The following GPC5 variants were observed in gnomAD, a reference collection of about 807,000 sequenced individuals.
The protein encoded by GPC5 is glypican-5.
GPC5 carries 47 observed loss-of-function variants against 53.9 expected under a neutral mutation model. The ratio of observed to expected loss-of-function variants is 0.87; its 90% CI spans 0.69 to 1.11. The LOEUF is 1.11. Among genes scored for constraint, GPC5 ranks in the 50% most tolerant of loss-of-function variants. The pLI, the probability that GPC5 is intolerant of heterozygous loss-of-function variation, is 0.00. For missense variants in GPC5, 748 were observed against 713.1 expected, an observed-to-expected ratio of 1.05 and a Z score of -0.56; for synonymous variants, 286 against 263.3, an observed-to-expected ratio of 1.09 and a Z score of -0.84.
intron 7 of GPC5, among the ~76,000 whole-genome samples, chr13:92,718,549 G>A (rs924464948): frequency 6.6e-6 from 1 of 152,092 alleles, no homozygotes; most frequent in Admixed American, 6.6e-5. Context: ...ATCAGGGGCT[G>A]GGAAGGGTAG....
intron 2 of GPC5, among the ~76,000 whole-genome samples, chr13:91,534,109 G>C (rs1384449297): frequency 6.6e-6 from 1 of 152,016 alleles, no homozygotes; most frequent in Non-Finnish European, 1.5e-5. Context: ...ATTATATATT[G>C]CTCACCTAAG....
chr13:92,602,288 G>C (rs1304317822), intron 7 of GPC5, among the ~76,000 whole-genome samples: 1 of 135,692 alleles, frequency 7.4e-6, no homozygotes, highest in Non-Finnish European at 1.6e-5. Context: ...GTATTTATGA[G>C]TACTCTGTAA....
chr13:91,993,976 CT>C (rs2040481173), intron 6 of GPC5, among the ~76,000 whole-genome samples: 1 of 152,206 alleles, frequency 6.6e-6, no homozygotes, highest in Admixed American at 6.5e-5. Context: ...GGACAAAGAA[CT>C]GCAATGACAT....
chr13:92,638,906 T>C lies in GPC5; in HGVS notation c.1562-227376T>C, dbSNP rs376987709. ...TTATTTTGACACATTTGTTTTTTAG[T>C]CTTTTGTTAGATACAAATACAGATT... is the stretch of plus-strand genomic sequence containing the variant. On this transcript the variant is annotated intron_variant, in intron 7 of 7. Transcript: ENST00000377067. Among the ~76,000 whole-genome samples, 5 of 152,334 alleles carry C rather than the reference T, an allele frequency of 3.3e-5. No homozygotes were observed. The East Asian group carries it at 9.7e-4, about 29-fold the overall frequency.
At chr13:92,069,322 T>C (rs1199782051) in intron 6 of GPC5, among the ~76,000 whole-genome samples, 2 of 152,114 alleles carry the variant, frequency 1.3e-5, no homozygotes, top group East Asian at 3.9e-4. Flanking sequence ...TACTTTATTA[T>C]ATTAGTTTCC....
At chr13:92,046,285 C>A (rs2040981613) in intron 6 of GPC5, among the ~76,000 whole-genome samples, 1 of 152,120 alleles carries the variant, frequency 6.6e-6, no homozygotes, top group Admixed American at 6.5e-5. Context: ...AAAAATATTT[C>A]ATCAATCTAT....
At position 92,356,320 on chromosome 13, in the gene GPC5, G is replaced by A. The variant is rs114614277; in HGVS notation, c.1561+211331G>A. Among the ~76,000 whole-genome samples, 459 of 152,236 alleles carry A rather than the reference G, an allele frequency of 3.0e-3. 3 individuals are homozygous for A. Among genetic ancestry groups the A allele is most frequent in the African/African-American group, 0.01 (430 of 41,546 alleles). The stretch of plus-strand genomic sequence containing the variant: ...GAGGAGGGAAACCTAGACCAAGTGG[G>A]CATTGTCGGCCCTATTAAGTTCTTT... On this transcript the variant is annotated intron_variant, in intron 7 of 7. Transcript: ENST00000377067.
chr13:91,403,469 G>A (rs917580156), intron 1 of GPC5, among the ~76,000 whole-genome samples: 2 of 152,182 alleles, frequency 1.3e-5, no homozygotes, highest in African/African-American at 4.8e-5. Context: ...AAAGATTAAG[G>A]TGGGGTAGTT....
chr13:91,676,477 C>G (rs2035386751), intron 2 of GPC5, among the ~76,000 whole-genome samples: 1 of 152,134 alleles, frequency 6.6e-6, no homozygotes, highest in African/African-American at 2.4e-5. Context: ...AAAAAAAAGT[C>G]AGCTTTTAAT....
intron 2 of GPC5, among the ~76,000 whole-genome samples, chr13:91,663,421 CCT>C (rs1433596351): frequency 6.6e-6 from 1 of 152,012 alleles, no homozygotes; most frequent in Admixed American, 6.6e-5. Context: ...TATATTTTAG[CCT>C]CTTTTTTCCC....
chr13:92,759,902 A>C (rs898886689), intron 7 of GPC5, among the ~76,000 whole-genome samples: 5 of 152,062 alleles, frequency 3.3e-5, no homozygotes, highest in African/African-American at 1.2e-4. Flanking sequence ...ACACCTAAAC[A>C]GTTAAGAGTT....
intron 6 of GPC5, among the ~76,000 whole-genome samples, chr13:92,010,187 T>G (rs1158868607): frequency 6.6e-6 from 1 of 152,212 alleles, no homozygotes; most frequent in African/African-American, 2.4e-5. Flanking sequence ...TCTTTCCTGT[T>G]TTACATCTGC....
At chr13:91,858,750 T>C (rs1027993628) in intron 5 of GPC5, among the ~76,000 whole-genome samples, 46 of 151,990 alleles carry the variant, frequency 3.0e-4, no homozygotes, top group African/African-American at 1.0e-3. Context: ...CTTTTTAAAA[T>C]ATTTGGTAAA....
chr13:92,021,139 T>C (rs951095392), intron 6 of GPC5, among the ~76,000 whole-genome samples: 1 of 152,184 alleles, frequency 6.6e-6, no homozygotes, highest in African/African-American at 2.4e-5. Flanking sequence ...GAGGATTTAT[T>C]CAACAGGATT....
intron 7 of GPC5, among the ~76,000 whole-genome samples, chr13:92,583,958 C>G (rs1481635363): frequency 6.6e-6 from 1 of 152,160 alleles, no homozygotes; most frequent in Non-Finnish European, 1.5e-5. Context: ...ACTTGCTCCT[C>G]CTTGCCTTCC....
At chr13:92,420,284 A>T (rs765377426) in intron 7 of GPC5, among the ~76,000 whole-genome samples, 5 of 152,144 alleles carry the variant, frequency 3.3e-5, no homozygotes, top group Non-Finnish European at 7.4e-5. Context: ...CATAGGTAAG[A>T]TTATTTTAAG....
intron 7 of GPC5, among the ~76,000 whole-genome samples, chr13:92,429,929 T>G (rs1404214401): frequency 6.6e-6 from 1 of 152,072 alleles, no homozygotes; most frequent in Non-Finnish European, 1.5e-5. Flanking sequence ...GACTATTTAA[T>G]AACAGGTATT....
Position 92,645,009 on chromosome 13 carries a change from T to C in GPC5, c.1562-221273T>C, listed in dbSNP as rs549778467. Among the ~76,000 whole-genome samples the C allele has an allele frequency of 1.1e-4, 17 of 152,312 alleles. No homozygotes were observed. The East Asian group carries it at 2.9e-3, about 26-fold the overall frequency. ...GGGAGTCCCTTTTTACTCAACTTTA[T>C]TGTAGTAGAATTTCAGAAGGTGACA... is the stretch of plus-strand genomic sequence containing the variant. On this transcript the variant is annotated intron_variant, in intron 7 of 7. Coordinates refer to ENST00000377067, the MANE Select transcript of GPC5 (RefSeq NM_004466.6).
chr13:91,889,093 C>T (rs1239475075), intron 5 of GPC5, among the ~76,000 whole-genome samples: 1 of 152,152 alleles, frequency 6.6e-6, no homozygotes, highest in South Asian at 2.1e-4. Context: ...CAGACAGGCA[C>T]CTGATACATC....
Sources: gnomAD v4.1 joint callset for allele counts (sites outside exome capture counted in the v4.1 genomes callset) on GRCh38, gnomAD v4.1.1 for gene constraint, MANE v1.5 for transcripts, NCBI Gene and HGNC (gene_info 2026-07-23, HGNC 2026-07-21) for gene names.